Variants in BRD3 observed in about 807,000 individuals in gnomAD.
BRD3 encodes the protein bromodomain-containing protein 3.
Under a neutral mutation model 66.8 loss-of-function variants are expected in BRD3, and 17 were observed. That is an observed-to-expected ratio of 0.25 (90% CI 0.17 to 0.38). The LOEUF is 0.38. Among genes scored for constraint, BRD3 ranks in the 10% least tolerant of loss-of-function variants. The pLI is 1.00. For missense variants in BRD3, 713 were observed against 956.1 expected, an observed-to-expected ratio of 0.75 and a Z score of 3.35; for synonymous variants, 421 against 393.2, an observed-to-expected ratio of 1.07 and a Z score of -0.84.
intron 1 of BRD3, chr9:134,056,135 C>T (rs1830420212): frequency 6.6e-6 from 1 of 152,320 alleles, no homozygotes; most frequent in Non-Finnish European, 1.5e-5. Context: ...GCAGAGCCGT[C>T]CAAGGCCCAG....
At chr9:134,037,631 C>T (rs2132386099) in intron 9 of BRD3, among the ~76,000 whole-genome samples, 1 of 151,920 alleles carries the variant, frequency 6.6e-6, no homozygotes, top group East Asian at 1.9e-4. Flanking sequence ...TAATCTTCTA[C>T]CTTAAAAAGT....
chr9:134,034,074 A>G (rs1428683387), intron 11 of BRD3, among the ~76,000 whole-genome samples: 3 of 152,242 alleles, frequency 2.0e-5, no homozygotes, highest in African/African-American at 7.2e-5. Flanking sequence ...AGACCCCTTC[A>G]GCGGGCAGGG....
Position 134,051,522 on chromosome 9 carries a change from CAG to C in BRD3, c.499+38_499+39del, listed in dbSNP as rs747649408. 1.3e-5 allele frequency: 20 copies of C among 1,482,632 alleles called. No individual in the cohort carries two copies. The Admixed American group carries it at 2.5e-4, about 18-fold the overall frequency. The allele number at this position is 1,482,632 out of a possible 1,614,324, so 91.8% of individuals were successfully genotyped here. ...CAGCCCATCCACCCGTGGGCCTCTG[CAG>C]AGAGGCCCAGCCCCTCGCCTGCCCC... is the stretch of plus-strand genomic sequence containing the variant. On this transcript the variant is annotated intron_variant, in intron 4 of 11. Coordinates refer to ENST00000303407, the MANE Select transcript of BRD3 (RefSeq NM_007371.4).
At chr9:134,060,256 G>C (rs1830508965) in intron 1 of BRD3, among the ~76,000 whole-genome samples, 1 of 152,158 alleles carries the variant, frequency 6.6e-6, no homozygotes, top group Non-Finnish European at 1.5e-5. Context: ...AAAAGTCCTC[G>C]AACGCCAAGC....
Position 134,040,146 on chromosome 9 carries a change from G to GCTTCTC in BRD3, c.1525_1530dup (p.Glu509_Lys510dup), listed in dbSNP as rs569163807. 129 of 1,564,372 alleles carry GCTTCTC rather than the reference G, an allele frequency of 8.2e-5. 2 individuals carry two copies. The highest frequency in any genetic ancestry group is 4.9e-4 in the South Asian group (42 of 85,252). On this transcript the variant is annotated inframe_insertion, in exon 9 of 12. Transcript: ENST00000303407. ...TTCTCTTCCTCGGCCTTCACTTTGTGCTTCTCCTTCTCCTTCTCCTTGTCC... is the reference window on the plus strand; with the variant it reads ...TTCTCTTCCTCGGCCTTCACTTTGTGCTTCTCCTTCTCCTTCTCCTTCTCCTTGTCC...
intron 8 of BRD3, among the ~76,000 whole-genome samples, chr9:134,040,771 T>C (rs575873256): frequency 1.3e-5 from 2 of 152,318 alleles, no homozygotes; most frequent in South Asian, 4.1e-4. Context: ...GAGATTTTCA[T>C]CAGTGATTTC....
intron 1 of BRD3, among the ~76,000 whole-genome samples, chr9:134,067,437 G>A (rs1166181808): frequency 2.0e-5 from 3 of 149,858 alleles, no homozygotes; most frequent in African/African-American, 7.3e-5. Context: ...CGGAACAGGC[G>A]CGGGGAAAGT....
At chr9:134,056,285 G>A (rs911773028) in intron 1 of BRD3, among the ~76,000 whole-genome samples, 3 of 152,234 alleles carry the variant, frequency 2.0e-5, no homozygotes, top group Non-Finnish European at 1.5e-5. Flanking sequence ...CTCCAGCTCC[G>A]CTACCTGGCA....
intron 5 of BRD3, among the ~76,000 whole-genome samples, chr9:134,049,158 G>C (rs149139736): frequency 2.0e-5 from 3 of 152,132 alleles, no homozygotes; most frequent in Non-Finnish European, 4.4e-5. Context: ...TCCTGGGGAC[G>C]GAGCCAGGCA....
At chr9:134,044,283 A>G (rs1265466333) in intron 7 of BRD3, among the ~76,000 whole-genome samples, 2 of 152,168 alleles carry the variant, frequency 1.3e-5, no homozygotes, top group Non-Finnish European at 2.9e-5. Flanking sequence ...GACCTTGGGT[A>G]GGCCCTGTGC....
rs1487004920 is a variant in BRD3 at position 134,041,890 on chromosome 9, G to C, written c.1277C>G (p.Pro426Arg). ...GCTCACCATGGGGGCCGCGGGGGCAGGCAGCGCCGGTGCCTCCACGGGCTC... is the reference window on the plus strand; with the variant it reads ...GCTCACCATGGGGGCCGCGGGGGCACGCAGCGCCGGTGCCTCCACGGGCTC... ...PDEPVEAPAL[P>R]APAAPMVSKG... Residue 426 changes from proline to arginine, a missense_variant, in exon 8 of 12, where the codon CCT becomes CGT. Transcript: ENST00000303407. The C allele has an allele frequency of 1.2e-6, 2 of 1,610,992 alleles. No individual in the cohort carries two copies. Among genetic ancestry groups the C allele is most frequent in the Non-Finnish European group, 1.7e-6 (2 of 1,178,628 alleles).
rs1282240346 is a variant in BRD3, at chr9:134,053,354, T to C, written c.124A>G (p.Met42Val). ...PGRKTNQLQY[M>V]QNVVVKTLWK... ...AGCGTCTTCACCACCACATTCTGCA[T>C]GTACTGCAGCTGGTTGGTCTTGCGG... Residue 42 changes from methionine (M) to valine (V), a missense_variant, in exon 2 of 12, where the codon ATG becomes GTG. Physicochemically the swap from Met to Val is conservative, Grantham distance 21. Around this residue, in one of 5 missense-constraint regions of BRD3, gnomAD observed 85 missense variants for 152.4 expected, o/e 0.56. Coordinates refer to ENST00000303407, the MANE Select transcript of BRD3 (RefSeq NM_007371.4). 3.1e-6 allele frequency: 5 copies of C among 1,611,516 alleles called. No homozygotes were observed. The highest frequency in any genetic ancestry group is 4.2e-6 in the Non-Finnish European group (5 of 1,179,242).
At chr9:134,047,198 C>T (rs1830190301) in intron 6 of BRD3, among the ~76,000 whole-genome samples, 1 of 152,272 alleles carries the variant, frequency 6.6e-6, no homozygotes, top group Non-Finnish European at 1.5e-5. Flanking sequence ...ATCAGCAGAT[C>T]CTGCCTCAGG....
intron 11 of BRD3, 81 bp downstream of exon 11, chr9:134,034,620 G>A (rs1351278156): frequency 1.3e-6 from 2 of 1,563,636 alleles, no homozygotes; most frequent in Non-Finnish European, 1.7e-6. Context: ...CTCAGACGTG[G>A]GCCTGCTCGA....
Position 134,040,149 on chromosome 9 carries a change from T to A in BRD3, c.1528A>T (p.Lys510Ter). The change falls in exon 9 of 12, where the codon AAG becomes TAG. Residue 510 changes from lysine to a stop codon, truncating the protein, a stop_gained. Coordinates refer to ENST00000303407, the MANE Select transcript of BRD3 (RefSeq NM_007371.4). LOFTEE classifies it high-confidence loss of function. ...TCTTCCTCGGCCTTCACTTTGTGCTTCTCCTTCTCCTTCTCCTTGTCCTTC... is the reference window on the plus strand; with the variant it reads ...TCTTCCTCGGCCTTCACTTTGTGCTACTCCTTCTCCTTCTCCTTGTCCTTC... ...KKKDKEKEKEKHKVKAEEEKK... is the reference protein window; with the variant it reads ...KKKDKEKEKE The A allele has an allele frequency of 6.4e-7, 1 of 1,558,844 alleles. No individual in the cohort carries two copies.
chr9:134,060,962 A>G (rs1336006170), intron 1 of BRD3, among the ~76,000 whole-genome samples: 2 of 152,238 alleles, frequency 1.3e-5, no homozygotes, highest in Admixed American at 6.5e-5. Context: ...CCAGCCCAGA[A>G]TTCATCAGAA....
intron 9 of BRD3, 195 bp from the exon 10 acceptor site, chr9:134,036,519 G>T: frequency 6.2e-7 from 1 of 1,603,498 alleles, no homozygotes; most frequent in Non-Finnish European, 8.5e-7. Flanking sequence ...CCTTGGCCAG[G>T]AAACAATTAC....
chr9:134,043,007 CT>C (rs1445423360), intron 7 of BRD3, among the ~76,000 whole-genome samples: 2 of 152,066 alleles, frequency 1.3e-5, no homozygotes, highest in East Asian at 3.9e-4. Context: ...TCCCGGCTAA[CT>C]TTTTGTATTT....
chr9:134,049,785 T>C (rs1303439684), intron 5 of BRD3, among the ~76,000 whole-genome samples: 5 of 152,220 alleles, frequency 3.3e-5, no homozygotes, highest in Admixed American at 1.3e-4. Context: ...AAGAAGATAA[T>C]ACACATAAGT....
Sources: gnomAD v4.1 joint callset for allele counts (sites outside exome capture counted in the v4.1 genomes callset) on GRCh38, gnomAD v4.1.1 for gene constraint, gnomAD v4.1.1 regional missense constraint, MANE v1.5 for transcripts, NCBI Gene and HGNC (gene_info 2026-07-23, HGNC 2026-07-21) for gene names.